Variants in MTA3 observed in about 807,000 individuals in gnomAD.
MTA3 encodes the protein metastasis-associated protein MTA3.
In MTA3, 34 loss-of-function variants were observed where a neutral mutation model predicts 83.5. The observed-to-expected ratio is 0.41, with a 90% CI of 0.31 to 0.54. The LOEUF is 0.54. Ranked by LOEUF, MTA3 falls within the 20% of genes least tolerant of loss-of-function variation. The probability of loss-of-function intolerance (pLI) is 0.33; values close to 1 mark genes in which losing one functional copy is unlikely to be tolerated. For synonymous variants in MTA3, 303 were observed against 252.7 expected (o/e 1.20, Z -1.89); for missense variants, 761 against 726.4 (o/e 1.05, Z -0.55).
intron 8 of MTA3, among the ~76,000 whole-genome samples, chr2:42,667,621 A>AAGAGAGAGAGAG (rs70963342): frequency 1.6e-4 from 18 of 114,148 alleles, no homozygotes; most frequent in African/African-American, 5.8e-4. Context: ...TAGAGAGAGA[A>AAGAGAGAGAGAG]AGAGAGAGAG....
intron 2 of MTA3, among the ~76,000 whole-genome samples, chr2:42,520,874 C>A (rs1481521734): frequency 6.6e-6 from 1 of 152,148 alleles, no homozygotes; most frequent in Non-Finnish European, 1.5e-5. Flanking sequence ...CCTGGTTCCT[C>A]TTCCACCTAG....
chr2:42,636,514 C>A (rs1158576402), intron 4 of MTA3, among the ~76,000 whole-genome samples: 1 of 152,044 alleles, frequency 6.6e-6, no homozygotes, highest in Non-Finnish European at 1.5e-5. Context: ...TGCACTCCAG[C>A]CTGGGTGACA....
At chr2:42,613,466 C>T (rs1178227671) in intron 4 of MTA3, among the ~76,000 whole-genome samples, 1 of 152,192 alleles carries the variant, frequency 6.6e-6, no homozygotes, top group African/African-American at 2.4e-5. Flanking sequence ...CTAACCAGCC[C>T]ACATGCTGAT....
chr2:42,609,909 G>C (rs909153514), intron 4 of MTA3, among the ~76,000 whole-genome samples: 1 of 152,142 alleles, frequency 6.6e-6, no homozygotes, highest in Non-Finnish European at 1.5e-5. Flanking sequence ...GACCAGCCTG[G>C]CCAACACGGT....
intron 5 of MTA3, among the ~76,000 whole-genome samples, chr2:42,643,309 C>G (rs986494134): frequency 6.6e-6 from 1 of 152,038 alleles, no homozygotes; most frequent in Admixed American, 6.5e-5. Context: ...ACTGGGCAGC[C>G]GATAACCTTT....
chr2:42,650,681 A>G (rs1688639541), intron 6 of MTA3, among the ~76,000 whole-genome samples: 1 of 152,050 alleles, frequency 6.6e-6, no homozygotes, highest in African/African-American at 2.4e-5. Context: ...TGCCCGCCTC[A>G]GCCTCCCAAA....
intron 16 of MTA3, among the ~76,000 whole-genome samples, chr2:42,745,056 C>A (rs554774673): frequency 1.3e-5 from 2 of 152,352 alleles, no homozygotes; most frequent in Non-Finnish European, 2.9e-5. Context: ...TTCCAAATGA[C>A]TGAGCACTCT....
intron 12 of MTA3, among the ~76,000 whole-genome samples, chr2:42,705,020 A>G (rs1665941815): frequency 6.6e-6 from 1 of 152,194 alleles, no homozygotes; most frequent in Admixed American, 6.6e-5. Flanking sequence ...AGAGGGAAGG[A>G]AACGAATGTT....
At chr2:42,618,814 T>C (rs180854857) in intron 4 of MTA3, among the ~76,000 whole-genome samples, 32 of 152,260 alleles carry the variant, frequency 2.1e-4, no homozygotes, top group Admixed American at 1.8e-3. Context: ...TCTCATATTA[T>C]TGTCCAGGCT....
chr2:42,551,564 C>T (rs78132802), intron 2 of MTA3, among the ~76,000 whole-genome samples: 2,982 of 152,080 alleles, frequency 0.02, 87 homozygotes, highest in African/African-American at 0.068. Flanking sequence ...ACAGACATGC[C>T]TCTTCTCAAA....
At chr2:42,593,528 A>G (rs1348189664) in intron 3 of MTA3, among the ~76,000 whole-genome samples, 1 of 152,164 alleles carries the variant, frequency 6.6e-6, no homozygotes, top group African/African-American at 2.4e-5. Flanking sequence ...GTGCCATGAT[A>G]TTACCGCTAT....
intron 4 of MTA3, among the ~76,000 whole-genome samples, chr2:42,630,117 C>T (rs1348462019): frequency 1.3e-5 from 2 of 151,962 alleles, no homozygotes; most frequent in African/African-American, 2.4e-5. Context: ...CCTTATGATT[C>T]TAATGTCAGA....
Position 42,524,106 on chromosome 2 carries a change from C to G in MTA3, c.-141+28852C>G, listed in dbSNP as rs373015558. On this transcript the variant is annotated intron_variant, in intron 2 of 17. Transcript: ENST00000405592. ...GGGCCATCCTAAGAAACATCTTCAG[C>G]CAGGCTATGCTGACCCTAACAAAGG... Among the ~76,000 whole-genome samples, 15 of 152,124 alleles carry G rather than the reference C, an allele frequency of 9.9e-5. No individual in the cohort carries two copies. In the East Asian group the frequency reaches 2.3e-3, roughly 24 times the overall value.
intron 2 of MTA3, among the ~76,000 whole-genome samples, chr2:42,529,868 G>T (rs1394639536): frequency 6.6e-6 from 1 of 152,144 alleles, no homozygotes; most frequent in South Asian, 2.1e-4. Context: ...CAGATGAGTC[G>T]GTCAGAGAGG....
intron 1 of MTA3, chr2:42,569,567 G>A (rs1030663721): frequency 6.6e-6 from 1 of 152,238 alleles, no homozygotes; most frequent in Non-Finnish European, 1.5e-5. Context: ...AGCTTCTGAT[G>A]GATGGTGGTG....
chr2:42,626,714 A>AT (rs1686137137), intron 4 of MTA3, among the ~76,000 whole-genome samples: 1 of 151,956 alleles, frequency 6.6e-6, no homozygotes, highest in African/African-American at 2.4e-5. Flanking sequence ...GGTCAGTTCC[A>AT]TTTTTCCTAG....
chr2:42,601,537 C>T (rs1382318664), intron 3 of MTA3, among the ~76,000 whole-genome samples: 6 of 152,126 alleles, frequency 3.9e-5, no homozygotes, highest in African/African-American at 1.2e-4. Flanking sequence ...TGGTGCGTGC[C>T]GCCACACGAC....
intron 2 of MTA3, among the ~76,000 whole-genome samples, chr2:42,576,655 C>G (rs1042463467): frequency 3.3e-5 from 5 of 152,068 alleles, no homozygotes; most frequent in African/African-American, 1.2e-4. Flanking sequence ...AATCCCAGGA[C>G]TTCGGGAGGC....
chr2:42,621,327 A>G (rs1042398828), intron 4 of MTA3, among the ~76,000 whole-genome samples: 1 of 152,152 alleles, frequency 6.6e-6, no homozygotes, highest in African/African-American at 2.4e-5. Flanking sequence ...GGGAGTGGTG[A>G]TGACTCTTAA....
Sources: gnomAD v4.1 joint callset for allele counts (sites outside exome capture counted in the v4.1 genomes callset) on GRCh38, gnomAD v4.1.1 for gene constraint, MANE v1.5 for transcripts, NCBI Gene and HGNC (gene_info 2026-07-23, HGNC 2026-07-21) for gene names.